The following P4HA2 variants were observed in gnomAD, a reference collection of about 807,000 sequenced individuals.
P4HA2 encodes prolyl 4-hydroxylase subunit alpha 2, also known as prolyl 4-hydroxylase subunit alpha-2.
P4HA2 carries 46 observed loss-of-function variants against 76.9 expected under a neutral mutation model. The ratio of observed to expected loss-of-function variants is 0.60; its 90% CI spans 0.47 to 0.76. The LOEUF (loss-of-function observed/expected upper bound fraction) is 0.76, where lower values mean the gene tolerates loss of function less well. Among genes scored for constraint, P4HA2 ranks in the 30% least tolerant of loss-of-function variants. The pLI is 0.00. For synonymous variants in P4HA2, 243 were observed against 254.0 expected, an observed-to-expected ratio of 0.96 and a Z score of 0.41; for missense variants, 583 against 669.4, an observed-to-expected ratio of 0.87 and a Z score of 1.42.
chr5:132,194,919 C>G lies in P4HA2; in HGVS notation c.1531+7G>C, dbSNP rs891769054. On this transcript the variant is annotated splice_region_variant and intron_variant, in intron 14 of 14. Transcript: ENST00000360568. ...CCAACACCAACACTACCCCTTAAGACACTCACCCCACTTGCAGCCCACAAG... is the reference window on the plus strand; with the variant it reads ...CCAACACCAACACTACCCCTTAAGAGACTCACCCCACTTGCAGCCCACAAG... The G allele has an allele frequency of 6.3e-7, 1 of 1,596,346 alleles. No homozygotes were observed. The highest frequency in any genetic ancestry group is 8.6e-7 in the Non-Finnish European group (1 of 1,163,714).
At chr5:132,220,886 G>T (rs543892655) in intron 1 of P4HA2, among the ~76,000 whole-genome samples, 1 of 152,184 alleles carries the variant, frequency 6.6e-6, no homozygotes, top group Non-Finnish European at 1.5e-5. Context: ...TGGGAGAAGG[G>T]GATAACTAAC....
At chr5:132,203,173 G>T (rs1751750790) in intron 10 of P4HA2, among the ~76,000 whole-genome samples, 1 of 152,230 alleles carries the variant, frequency 6.6e-6, no homozygotes, top group South Asian at 2.1e-4. Context: ...TCCATTTTGA[G>T]GATTGCTGCA....
At chr5:132,195,326 C>A (rs1028115454) in intron 13 of P4HA2, 86 bp downstream of exon 13, 1 of 991,992 alleles carries the variant, frequency 1.0e-6, no homozygotes, top group African/African-American at 1.6e-5. Flanking sequence ...GACAATCAGG[C>A]AGGCCAGGTA....
chr5:132,203,823 G>A lies in P4HA2; in HGVS notation c.1176C>T (p.Asp392=), dbSNP rs202231479. Residue 392 remains aspartate (D), a synonymous_variant, in exon 10 of 15, where the codon GAC becomes GAT. Coordinates refer to ENST00000360568, the MANE Select transcript of P4HA2 (RefSeq NM_001017974.2). ...GACGATTTACTCGGGCCACAACAGG[G>A]TCATCATCTTCCTCTAGCCAGGAGC... ...SKSSWLEEDD[D]PVVARVNRRM... 24 of 1,613,490 alleles carry A rather than the reference G, an allele frequency of 1.5e-5. No individual in the cohort carries two copies. The highest frequency in any genetic ancestry group is 1.9e-5 in the Non-Finnish European group (23 of 1,179,534).
At chr5:132,227,547 CCT>C (rs1427321451) in intron 1 of P4HA2, 1 of 152,468 alleles carries the variant, frequency 6.6e-6, no homozygotes, top group Non-Finnish European at 1.5e-5. Flanking sequence ...ACCTCACCAC[CCT>C]GAGCTCGGGA....
rs1254824080 is a variant in P4HA2 at position 132,195,432 on chromosome 5, C to T, written c.1414G>A (p.Ala472Thr). ...CTTACCTTCTTAGGCCAAATTGCAGCCCCCAGATCAGGGAAGACGGTGGCA... is the reference window on the plus strand; with the variant it reads ...CTTACCTTCTTAGGCCAAATTGCAGTCCCCAGATCAGGGAAGACGGTGGCA... ...GGATVFPDLGAAIWPKKGTAV... is the reference protein window; with the variant it reads ...GGATVFPDLGTAIWPKKGTAV... Residue 472 changes from alanine (A) to threonine (T), a missense_variant, in exon 13 of 15, where the codon GCT becomes ACT. By Grantham distance (58) the Ala-to-Thr change is moderately conservative. Transcript: ENST00000360568. 5.0e-6 allele frequency: 8 copies of T among 1,612,338 alleles called. No individual in the cohort carries two copies. Among genetic ancestry groups the T allele is most frequent in the South Asian group, 1.1e-5 (1 of 91,060 alleles).
chr5:132,215,113 G>A (rs961468269), intron 4 of P4HA2, among the ~76,000 whole-genome samples: 21 of 152,150 alleles, frequency 1.4e-4, no homozygotes, highest in Admixed American at 1.2e-3. Flanking sequence ...CTGGGGACAG[G>A]GACCAAGAAG....
chr5:132,197,608 C>CAAAAAAAAA (rs555319735), intron 12 of P4HA2, among the ~76,000 whole-genome samples: 45 of 55,038 alleles, frequency 8.2e-4, no homozygotes, highest in Non-Finnish European at 1.1e-3. Flanking sequence ...ACTCCATCTC[C>CAAAAAAAAA]AAAAAAAAAA....
intron 2 of P4HA2, 101 bp downstream of exon 2, chr5:132,218,444 G>C (rs1754219853): frequency 1.3e-6 from 1 of 789,510 alleles, no homozygotes; most frequent in East Asian, 2.7e-5. Flanking sequence ...AAAACCAGTA[G>C]TTAAGGCTAT....
rs1234879789 is a variant in P4HA2 at position 132,195,469 on chromosome 5, T to G, written c.1377A>C (p.Val459=). The G allele has an allele frequency of 6.2e-7, 1 of 1,612,622 alleles. No homozygotes were observed. The highest frequency in any genetic ancestry group is 8.5e-7 in the Non-Finnish European group (1 of 1,178,724). ...LATFLNYMSD[V]EAGGATVFPD... is the part of the protein sequence containing the mutation. ...GGAAGACGGTGGCACCACCAGCTTC[T>G]ACATCACTCATCTGGAAATATAAGA... The change falls in exon 13 of 15, where the codon GTA becomes GTC. Residue 459 remains valine, a synonymous_variant. Coordinates refer to ENST00000360568, the MANE Select transcript of P4HA2 (RefSeq NM_001017974.2).
intron 5 of P4HA2, among the ~76,000 whole-genome samples, chr5:132,210,755 T>A (rs1752965459): frequency 6.6e-6 from 1 of 151,922 alleles, no homozygotes; most frequent in South Asian, 2.1e-4. Context: ...AGATTCCCCA[T>A]CTCCCAAGTG....
At chr5:132,197,369 A>C (rs1459555328) in intron 12 of P4HA2, among the ~76,000 whole-genome samples, 3 of 152,168 alleles carry the variant, frequency 2.0e-5, no homozygotes, top group Admixed American at 6.5e-5. Context: ...GCACTTTGGG[A>C]GGCCGAGGGG....
At chr5:132,218,957 A>G (rs934865337) in intron 1 of P4HA2, among the ~76,000 whole-genome samples, 53 of 152,138 alleles carry the variant, frequency 3.5e-4, no homozygotes, top group African/African-American at 8.7e-4. Flanking sequence ...TCGGGTTCCA[A>G]TGGTCTGTCA....
chr5:132,204,574 T>C (rs959853365), intron 8 of P4HA2, among the ~76,000 whole-genome samples: 8 of 152,166 alleles, frequency 5.3e-5, no homozygotes, highest in Admixed American at 2.0e-4. Context: ...GCCTCCGCCT[T>C]ATGTACTTCT....
chr5:132,191,943 A>G lies in P4HA2; in HGVS notation c.*1067T>C, dbSNP rs1171575678. ...TGTACTATAAAGATTAAAACAAATTACAGCTACACAAGCAACACGGATGAA... is the reference window on the plus strand; with the variant it reads ...TGTACTATAAAGATTAAAACAAATTGCAGCTACACAAGCAACACGGATGAA... On this transcript the variant is annotated 3_prime_UTR_variant, in exon 15 of 15. Coordinates refer to ENST00000360568, the MANE Select transcript of P4HA2 (RefSeq NM_001017974.2). 1 of 152,284 alleles carries G rather than the reference A, an allele frequency of 6.6e-6. No individual in the cohort carries two copies. Among genetic ancestry groups the G allele is most frequent in the Non-Finnish European group, 1.5e-5 (1 of 68,050 alleles). The allele number at this position is 152,284 out of a possible 1,614,324, so 9.4% of individuals were successfully genotyped here.
At chr5:132,198,484 A>C in intron 11 of P4HA2, 104 bp from the exon 12 acceptor site, 1 of 1,072,082 alleles carries the variant, frequency 9.3e-7, no homozygotes, top group Non-Finnish European at 1.4e-6. Context: ...TGTGTGTTCC[A>C]TAAATCAGCC....
intron 4 of P4HA2, among the ~76,000 whole-genome samples, chr5:132,216,965 T>TA (rs547874807): frequency 1.3e-5 from 2 of 151,492 alleles, no homozygotes; most frequent in African/African-American, 4.9e-5. Flanking sequence ...AGACAGACAC[T>TA]AAAAAAAAGA....
chr5:132,213,285 G>C (rs551092895), intron 5 of P4HA2, among the ~76,000 whole-genome samples: 3 of 152,286 alleles, frequency 2.0e-5, no homozygotes, highest in African/African-American at 7.2e-5. Context: ...AGTGACAGTG[G>C]GGAAAAAGGC....
chr5:132,222,246 T>A (rs1754747885), intron 1 of P4HA2, among the ~76,000 whole-genome samples: 1 of 152,162 alleles, frequency 6.6e-6, no homozygotes, highest in African/African-American at 2.4e-5. Context: ...TGCCTCCAAC[T>A]CTAGGATAAC....
Sources: allele counts gnomAD v4.1 joint callset (sites outside exome capture counted in the v4.1 genomes callset), GRCh38; gene constraint gnomAD v4.1.1; transcripts MANE v1.5; gene names NCBI Gene and HGNC (gene_info 2026-07-23, HGNC 2026-07-21).